Variants in CDC42BPA observed in about 807,000 individuals in gnomAD.
CDC42BPA encodes the protein CDC42 binding protein kinase alpha, also known as serine/threonine-protein kinase MRCK alpha.
In CDC42BPA, 80 loss-of-function variants were observed where a neutral mutation model predicts 223.5. The ratio of observed to expected loss-of-function variants is 0.36; its 90% confidence interval spans 0.30 to 0.43. The LOEUF is 0.43. CDC42BPA is among the 20% of genes least tolerant of loss of function. The pLI is 1.00. For missense variants in CDC42BPA, 1,743 were observed against 2,099.9 expected, an observed-to-expected ratio of 0.83 and a Z score of 3.32; for synonymous variants, 694 against 718.6, an observed-to-expected ratio of 0.97 and a Z score of 0.55.
intron 5 of CDC42BPA, among the ~76,000 whole-genome samples, chr1:227,163,680 T>A (rs978575765): frequency 6.6e-6 from 1 of 151,598 alleles, no homozygotes; most frequent in African/African-American, 2.4e-5. Context: ...AAATCCCTTC[T>A]CCCTGCATGT....
intron 5 of CDC42BPA, among the ~76,000 whole-genome samples, chr1:227,176,046 AG>A (rs760012199): frequency 6.6e-6 from 1 of 152,090 alleles, no homozygotes; most frequent in Non-Finnish European, 1.5e-5. Context: ...TCCGCCTCCC[AG>A]GTTCAAGCGA....
At chr1:227,227,214 A>G (rs1677013226) in intron 2 of CDC42BPA, among the ~76,000 whole-genome samples, 1 of 152,168 alleles carries the variant, frequency 6.6e-6, no homozygotes, top group Admixed American at 6.5e-5. Context: ...CAAGAAAAAG[A>G]AAGAAAAAAA....
chr1:227,165,482 T>A (rs1329596401), intron 5 of CDC42BPA, among the ~76,000 whole-genome samples: 5 of 152,096 alleles, frequency 3.3e-5, no homozygotes, highest in Non-Finnish European at 7.4e-5. Context: ...TGAAAACAAA[T>A]TTGAGCCTAT....
chr1:227,148,591 C>G (rs1195652978), intron 6 of CDC42BPA, among the ~76,000 whole-genome samples: 1 of 151,180 alleles, frequency 6.6e-6, no homozygotes, highest in East Asian at 1.9e-4. Context: ...ACAGTGAAAC[C>G]CCATCTCTAC....
chr1:227,032,474 C>A (rs1929858), intron 27 of CDC42BPA, among the ~76,000 whole-genome samples: 95,915 of 151,696 alleles, frequency 0.63, 30,460 homozygotes, highest in East Asian at 0.72. Flanking sequence ...TTAATTTACC[C>A]ACTCAAGATT....
At chr1:227,230,827 T>TAGACAGAGTC (rs1677772857) in intron 2 of CDC42BPA, among the ~76,000 whole-genome samples, 1 of 84,512 alleles carries the variant, frequency 1.2e-5, no homozygotes, top group Admixed American at 1.1e-4. Flanking sequence ...TTTCTTTTTT[T>TAGACAGAGTC]TTTTTTTTTT....
rs772938326 is a variant in CDC42BPA at position 227,040,200 on chromosome 1, T to C, written c.3130A>G (p.Thr1044Ala). ...GTACACTGATGACACTTGGTAGGAG[T>C]AGTAAAAGATTTTACAAAAAACTGG... is the stretch of plus-strand genomic sequence containing the variant. ...THQFFVKSFTTPTKCHQCTSL... is the reference protein window; with the variant it reads ...THQFFVKSFTAPTKCHQCTSL... Residue 1044 changes from threonine (T) to alanine (A), a missense_variant, in exon 24 of 37, where the codon ACT (threonine) becomes GCT (alanine). Thr to Ala is a moderately conservative substitution (Grantham distance 58). Around this residue, in one of 6 missense-constraint regions of CDC42BPA, gnomAD observed 678 missense variants for 777.5 expected, o/e 0.87. Coordinates refer to ENST00000366766, the MANE Select transcript of CDC42BPA (RefSeq NM_001394014.1). The C allele has an allele frequency of 6.2e-7, 1 of 1,612,864 alleles. No individual in the cohort carries two copies.
At chr1:227,019,804 C>T (rs1667037411) in intron 32 of CDC42BPA, among the ~76,000 whole-genome samples, 1 of 152,124 alleles carries the variant, frequency 6.6e-6, no homozygotes, top group Admixed American at 6.5e-5. Flanking sequence ...CAACAGTGGG[C>T]TTAAAATTTT....
At position 227,028,907 on chromosome 1, in the gene CDC42BPA, G is replaced by A. The variant is rs1283329450; in HGVS notation, c.4182C>T (p.Leu1394=). Residue 1394 remains leucine (L), a synonymous_variant, in exon 30 of 37, where the codon CTC becomes CTT. Coordinates refer to ENST00000366766, the MANE Select transcript of CDC42BPA (RefSeq NM_001394014.1). ...VQWMAIFSEQ[L]CVGFQSGFLR... ...GAAATCCTGACTGGAATCCCACACA[G>A]AGTTGTTCACTGAAGATTGCCATCC... 1.9e-6 allele frequency: 3 copies of A among 1,613,968 alleles called. No individual in the cohort carries two copies. The highest frequency in any genetic ancestry group is 1.3e-5 in the African/African-American group (1 of 75,058).
At position 227,135,847 on chromosome 1, in the gene CDC42BPA, C is replaced by CT. The variant is rs577595682; in HGVS notation, c.1390+3728dup. 3.2e-3 allele frequency among the ~76,000 whole-genome samples: 285 copies of CT among 90,266 alleles called. 20 individuals carry two copies. In the East Asian group the frequency reaches 0.067, roughly 21 times the overall value. The allele number at this position is 90,266 out of a possible 152,430, so 59.2% of individuals were successfully genotyped here. A position where few individuals can be genotyped will look rare whatever the true frequency, so the allele number is the denominator to read the frequency against. ...CCAGCCTGGGCGACAGAGCGAGACT[C>CT]TGTCTCCCAAAAAAAAAAAAAAAAA... On this transcript the variant is annotated intron_variant, in intron 10 of 36. Coordinates refer to ENST00000366766, the MANE Select transcript of CDC42BPA (RefSeq NM_001394014.1).
At chr1:227,217,660 T>C (rs1202477636) in intron 2 of CDC42BPA, among the ~76,000 whole-genome samples, 1 of 152,116 alleles carries the variant, frequency 6.6e-6, no homozygotes, top group Admixed American at 6.5e-5. Flanking sequence ...ATCCTTACTA[T>C]GCCTTATAGG....
intron 21 of CDC42BPA, among the ~76,000 whole-genome samples, chr1:227,056,049 C>T (rs998978112): frequency 6.6e-6 from 1 of 151,994 alleles, no homozygotes; most frequent in East Asian, 1.9e-4. Flanking sequence ...TTAAAAAGGT[C>T]CCCCCGCCGC....
At chr1:227,108,011 A>G (rs148221692) in intron 14 of CDC42BPA, among the ~76,000 whole-genome samples, 1 of 152,220 alleles carries the variant, frequency 6.6e-6, no homozygotes, top group East Asian at 1.9e-4. Flanking sequence ...AGTCTAATTA[A>G]AGGCTGTCAA....
intron 21 of CDC42BPA, among the ~76,000 whole-genome samples, chr1:227,057,139 T>G (rs1320493): frequency 0.15 from 23,490 of 152,132 alleles, 2,197 homozygotes; most frequent in African/African-American, 0.25. Flanking sequence ...TCTGAAATAA[T>G]ACATTCAGTG....
At chr1:227,250,190 A>AT (rs1558868518) in intron 2 of CDC42BPA, among the ~76,000 whole-genome samples, 1 of 152,140 alleles carries the variant, frequency 6.6e-6, no homozygotes, top group Non-Finnish European at 1.5e-5. Context: ...AAATTAAAAA[A>AT]AATAATAATA....
At chr1:227,145,771 C>G in intron 7 of CDC42BPA, 34 bp from the exon 8 acceptor site, 1 of 1,554,180 alleles carries the variant, frequency 6.4e-7, no homozygotes, top group Non-Finnish European at 8.8e-7. Context: ...AAATATAAAT[C>G]AGTGTTTAAC....
At chr1:227,270,881 G>A (rs1685851724) in intron 1 of CDC42BPA, among the ~76,000 whole-genome samples, 1 of 152,192 alleles carries the variant, frequency 6.6e-6, no homozygotes, top group South Asian at 2.1e-4. Context: ...TCAAGGTTCA[G>A]TGATGTTGCA....
At chr1:227,246,731 G>A (rs1161247293) in intron 2 of CDC42BPA, among the ~76,000 whole-genome samples, 2 of 151,586 alleles carry the variant, frequency 1.3e-5, no homozygotes, top group Non-Finnish European at 2.9e-5. Context: ...GTACAAACAA[G>A]CCCAGACTGC....
chr1:227,294,164 C>T (rs963768672), intron 1 of CDC42BPA, among the ~76,000 whole-genome samples: 3 of 150,880 alleles, frequency 2.0e-5, no homozygotes, highest in African/African-American at 4.9e-5. Context: ...CCCAGCTACT[C>T]GGGAGGCTGA....
Sources: allele counts gnomAD v4.1 joint callset (sites outside exome capture counted in the v4.1 genomes callset), GRCh38; gene constraint gnomAD v4.1.1; regional missense constraint gnomAD v4.1.1; transcripts MANE v1.5; gene names NCBI Gene and HGNC (gene_info 2026-07-23, HGNC 2026-07-21).